The following NUDCD1 variants were observed in gnomAD, a reference collection of about 807,000 sequenced individuals.
The protein encoded by NUDCD1 is nudC domain-containing protein 1.
NUDCD1 carries 60 observed loss-of-function variants against 67.8 expected under a neutral mutation model. The ratio of observed to expected loss-of-function variants is 0.88; its 90% CI spans 0.72 to 1.10. The LOEUF is 1.10. Among genes scored for constraint, NUDCD1 ranks in the 50% least tolerant of loss-of-function variants. The pLI is 0.00. For synonymous variants in NUDCD1, 244 were observed against 230.8 expected (o/e 1.06, Z -0.52); for missense variants, 643 against 695.0 (o/e 0.93, Z 0.84).
chr8:109,327,777 CT>C (rs1408243075), intron 1 of NUDCD1, among the ~76,000 whole-genome samples: 1 of 152,146 alleles, frequency 6.6e-6, no homozygotes, highest in Non-Finnish European at 1.5e-5. Flanking sequence ...TTCTCCTCCA[CT>C]TACATATGCT....
chr8:109,271,385 G>C (rs1814153686), intron 7 of NUDCD1, among the ~76,000 whole-genome samples: 1 of 152,174 alleles, frequency 6.6e-6, no homozygotes, highest in South Asian at 2.1e-4. Flanking sequence ...GAGAAAGAGA[G>C]AGATGAAAGA....
chr8:109,268,103 T>C (rs1814045743), intron 8 of NUDCD1, among the ~76,000 whole-genome samples: 1 of 152,210 alleles, frequency 6.6e-6, no homozygotes, highest in Non-Finnish European at 1.5e-5. Flanking sequence ...GCTGGAAAGA[T>C]TGTCCCTTTT....
intron 2 of NUDCD1, chr8:109,316,310 T>A (rs1815394401): frequency 1.3e-5 from 2 of 152,302 alleles, no homozygotes; most frequent in South Asian, 4.1e-4. Flanking sequence ...AGGAGAGTAT[T>A]CTGTCTTTAT....
chr8:109,312,032 G>C (rs1815266172), intron 2 of NUDCD1, among the ~76,000 whole-genome samples: 2 of 152,130 alleles, frequency 1.3e-5, no homozygotes, highest in Admixed American at 1.3e-4. Flanking sequence ...GCTGGGCGCG[G>C]TGGCTCATGC....
chr8:109,332,434 G>A (rs761054291), intron 1 of NUDCD1, among the ~76,000 whole-genome samples: 1 of 152,166 alleles, frequency 6.6e-6, no homozygotes, highest in Non-Finnish European at 1.5e-5. Context: ...TAGTCTAGTC[G>A]GCTAAAGGAT....
At chr8:109,252,439 G>A (rs1813642920) in intron 8 of NUDCD1, among the ~76,000 whole-genome samples, 1 of 151,706 alleles carries the variant, frequency 6.6e-6, no homozygotes, top group Non-Finnish European at 1.5e-5. Context: ...CAGCAGCTTA[G>A]GCTGCTGATA....
intron 5 of NUDCD1, among the ~76,000 whole-genome samples, chr8:109,283,270 GA>G (rs1814498837): frequency 6.6e-6 from 1 of 152,124 alleles, no homozygotes; most frequent in Non-Finnish European, 1.5e-5. Flanking sequence ...TTAAAAAAAT[GA>G]ACAAAGTCTC....
rs77020858 is a variant in NUDCD1, at chr8:109,260,680, G to A, written c.1299+10325C>T. On this transcript the variant is annotated intron_variant, in intron 8 of 9. Transcript: ENST00000239690. Reference sequence around the variant, plus strand: ...AAATAGTATTAAGTAGTATTGCTACGCATACACACATGCACACGTCTCTTT... The same window carrying A: ...AAATAGTATTAAGTAGTATTGCTACACATACACACATGCACACGTCTCTTT... 1.3e-3 allele frequency among the ~76,000 whole-genome samples: 203 copies of A among 152,208 alleles called. 5 individuals are homozygous for A. The East Asian group carries it at 0.025, about 19-fold the overall frequency.
intron 8 of NUDCD1, among the ~76,000 whole-genome samples, chr8:109,253,771 T>G (rs1000905328): frequency 6.6e-6 from 1 of 152,138 alleles, no homozygotes; most frequent in Admixed American, 6.5e-5. Flanking sequence ...TGAATTAAAA[T>G]GAAGTGTGAT....
At chr8:109,310,810 CTTTTTTTTTTTTT>C (rs59611956) in intron 2 of NUDCD1, among the ~76,000 whole-genome samples, 3 of 75,198 alleles carry the variant, frequency 4.0e-5, no homozygotes, top group Non-Finnish European at 4.8e-5. Flanking sequence ...ATAGACAATT[CTTTTTTTTTTTTT>C]TTTTTTTTTT....
At chr8:109,252,604 T>G (rs1279281598) in intron 8 of NUDCD1, among the ~76,000 whole-genome samples, 1 of 152,172 alleles carries the variant, frequency 6.6e-6, no homozygotes, top group Admixed American at 6.5e-5. Context: ...TTCCCTTGTG[T>G]CTGTGAATGC....
At chr8:109,312,602 GTTTA>G (rs148544434) in intron 2 of NUDCD1, among the ~76,000 whole-genome samples, 7,347 of 152,150 alleles carry the variant, frequency 0.048, 632 homozygotes, top group East Asian at 0.42. Context: ...TAACAAGTAT[GTTTA>G]TTTTAATAAC....
intron 2 of NUDCD1, among the ~76,000 whole-genome samples, chr8:109,322,074 T>C (rs1815552519): frequency 6.6e-6 from 1 of 152,014 alleles, no homozygotes; most frequent in Non-Finnish European, 1.5e-5. Flanking sequence ...ATATATAAAA[T>C]CCATGAGAGT....
At chr8:109,288,974 T>C (rs1197125716) in intron 5 of NUDCD1, among the ~76,000 whole-genome samples, 2 of 149,504 alleles carry the variant, frequency 1.3e-5, no homozygotes, top group African/African-American at 5.0e-5. Context: ...AAATTTCTTG[T>C]TAGTCTTTTC....
At chr8:109,285,358 C>T (rs1196499728) in intron 5 of NUDCD1, among the ~76,000 whole-genome samples, 1 of 151,722 alleles carries the variant, frequency 6.6e-6, no homozygotes, top group Non-Finnish European at 1.5e-5. Context: ...CAAAGACACA[C>T]ACAAAAAAAC....
intron 2 of NUDCD1, among the ~76,000 whole-genome samples, chr8:109,300,852 A>G (rs1184902810): frequency 1.3e-5 from 2 of 152,376 alleles, no homozygotes; most frequent in East Asian, 3.9e-4. Context: ...GTGAGACAAA[A>G]GAACCAAGTA....
At chr8:109,262,149 C>T (rs971609319) in intron 8 of NUDCD1, among the ~76,000 whole-genome samples, 4 of 152,164 alleles carry the variant, frequency 2.6e-5, no homozygotes, top group African/African-American at 9.7e-5. Flanking sequence ...GGTTTTACTT[C>T]GTATTGTTTT....
intron 5 of NUDCD1, among the ~76,000 whole-genome samples, chr8:109,288,780 A>T (rs1814630864): frequency 6.6e-6 from 1 of 152,184 alleles, no homozygotes; most frequent in Non-Finnish European, 1.5e-5. Context: ...GTTTAACAAA[A>T]AAGGGAGATT....
chr8:109,323,942 A>T (rs1815601761), intron 1 of NUDCD1, among the ~76,000 whole-genome samples: 1 of 152,144 alleles, frequency 6.6e-6, no homozygotes. Flanking sequence ...AAAACTATAA[A>T]AATACCAAAA....
Sources: gnomAD v4.1 joint callset for allele counts (sites outside exome capture counted in the v4.1 genomes callset) on GRCh38, gnomAD v4.1.1 for gene constraint, MANE v1.5 for transcripts, NCBI Gene and HGNC (gene_info 2026-07-23, HGNC 2026-07-21) for gene names.